Variants in KCNMB4 observed in about 807,000 individuals in gnomAD.
The protein encoded by KCNMB4 is calcium-activated potassium channel subunit beta-4.
In KCNMB4, 3 loss-of-function variants were observed where a neutral mutation model predicts 20.7. That is an observed-to-expected ratio of 0.14 (90% CI 0.07 to 0.37). KCNMB4 has a LOEUF of 0.37. Among genes scored for constraint, KCNMB4 ranks in the 10% least tolerant of loss-of-function variants. The pLI is 1.00. For synonymous variants in KCNMB4, 110 were observed against 113.4 expected (o/e 0.97, Z 0.19); for missense variants, 168 against 265.9 (o/e 0.63, Z 2.56).
intron 1 of KCNMB4, among the ~76,000 whole-genome samples, chr12:70,374,135 AG>A (rs1192146220): frequency 6.6e-6 from 1 of 152,248 alleles, no homozygotes; most frequent in East Asian, 1.9e-4. Flanking sequence ...TGCATAAAAA[AG>A]AATCAGAAAC....
intron 1 of KCNMB4, among the ~76,000 whole-genome samples, chr12:70,371,584 A>G (rs1408029267): frequency 1.3e-5 from 2 of 152,250 alleles, no homozygotes; most frequent in South Asian, 4.1e-4. Context: ...ATTTATCTTG[A>G]AAAAGTGGCA....
chr12:70,371,076 C>G lies in KCNMB4; in HGVS notation c.336+4006C>G, dbSNP rs1336022362. Among the ~76,000 whole-genome samples, 3 of 152,082 alleles carry G rather than the reference C, an allele frequency of 2.0e-5. No individual in the cohort carries two copies. In the East Asian group the frequency reaches 5.8e-4, roughly 29 times the overall value. On this transcript the variant is annotated intron_variant, in intron 1 of 2. Coordinates refer to ENST00000258111, the MANE Select transcript of KCNMB4 (RefSeq NM_014505.6). ...TTCACTATGTTGGCCAGGCGGGTCT[C>G]CAACTCCTGGCCTCAAGTGATCCCC...
intron 1 of KCNMB4, among the ~76,000 whole-genome samples, chr12:70,382,715 CAT>C: frequency 6.6e-6 from 1 of 152,154 alleles, no homozygotes; most frequent in South Asian, 2.1e-4. Flanking sequence ...AAAAAGTCAA[CAT>C]ATGAAGTACT....
At chr12:70,373,045 A>C (rs1312939214) in intron 1 of KCNMB4, among the ~76,000 whole-genome samples, 2 of 152,156 alleles carry the variant, frequency 1.3e-5, no homozygotes, top group African/African-American at 4.8e-5. Flanking sequence ...TGTGGAACAC[A>C]GGGCACATAG....
chr12:70,415,921 G>A (rs762634984), intron 2 of KCNMB4, among the ~76,000 whole-genome samples: 2 of 152,162 alleles, frequency 1.3e-5, no homozygotes, highest in Non-Finnish European at 2.9e-5. Context: ...ACACAAATAT[G>A]GCCCTGGTCC....
intron 2 of KCNMB4, among the ~76,000 whole-genome samples, chr12:70,426,167 G>A (rs139649036): frequency 1.1e-3 from 166 of 152,010 alleles, no homozygotes; most frequent in African/African-American, 3.9e-3. Context: ...GGTGGCAGGC[G>A]CCTGTAGTCC....
chr12:70,432,990 C>T lies in KCNMB4; in HGVS notation c.*2337C>T, dbSNP rs551137274. The T allele has an allele frequency of 1.6e-4, 24 of 152,050 alleles. No homozygotes were observed. Among genetic ancestry groups the T allele is most frequent in the South Asian group, 2.1e-4 (1 of 4,812 alleles). The allele number at this position is 152,050 out of a possible 1,614,324, so 9.4% of individuals were successfully genotyped here. ...TTACACTAAACGCTTCCATTTATCC[C>T]GAAAAAGTATATGCAACTGTATTCT... On this transcript the variant is annotated 3_prime_UTR_variant, in exon 3 of 3. Transcript: ENST00000258111.
chr12:70,408,374 CTTTATA>C (rs999240319), intron 2 of KCNMB4, among the ~76,000 whole-genome samples: 2 of 152,156 alleles, frequency 1.3e-5, no homozygotes, highest in African/African-American at 4.8e-5. Flanking sequence ...AAAAGATGAA[CTTTATA>C]TTTAAAGAAA....
chr12:70,390,501 T>C (rs886590485), intron 1 of KCNMB4, among the ~76,000 whole-genome samples: 2 of 152,220 alleles, frequency 1.3e-5, no homozygotes, highest in African/African-American at 4.8e-5. Flanking sequence ...TGGGTTTGCT[T>C]TATACCATCA....
rs996158646 is a variant in KCNMB4 at position 70,428,445 on chromosome 12, G to C, written c.465-2040G>C. ...ATAGTCCTTCACAGAAAGAAGGAAA[G>C]AGCAACCTGAGAGACAGCTTTTACC... is the stretch of plus-strand genomic sequence containing the variant. On this transcript the variant is annotated intron_variant, in intron 2 of 2. Coordinates refer to ENST00000258111, the MANE Select transcript of KCNMB4 (RefSeq NM_014505.6). Among the ~76,000 whole-genome samples the C allele has an allele frequency of 7.8e-4, 119 of 152,340 alleles. 1 individual carries two copies. The highest frequency in any genetic ancestry group is 2.6e-3 in the African/African-American group (109 of 41,578).
intron 2 of KCNMB4, chr12:70,422,968 G>T (rs957563049): frequency 2.2e-6 from 1 of 446,702 alleles, no homozygotes; most frequent in African/African-American, 2.1e-5. Flanking sequence ...TGCATCTGAA[G>T]GGACGGTCAT....
chr12:70,375,886 G>A (rs183642050), intron 1 of KCNMB4, among the ~76,000 whole-genome samples: 9 of 152,132 alleles, frequency 5.9e-5, no homozygotes, highest in Admixed American at 5.9e-4. Flanking sequence ...CAGGATATAT[G>A]TCTGTCCTTT....
At chr12:70,390,646 C>T (rs1214478374) in intron 1 of KCNMB4, among the ~76,000 whole-genome samples, 3 of 152,314 alleles carry the variant, frequency 2.0e-5, no homozygotes, top group Admixed American at 6.5e-5. Flanking sequence ...GCTCTGATTG[C>T]TACTGAAAGC....
At chr12:70,404,245 G>A (rs1868534865) in intron 2 of KCNMB4, among the ~76,000 whole-genome samples, 1 of 146,706 alleles carries the variant, frequency 6.8e-6, no homozygotes, top group Non-Finnish European at 1.5e-5. Context: ...TTTGTCAAAA[G>A]TTTTTTTTTT....
chr12:70,401,769 G>C (rs564319051), intron 2 of KCNMB4, among the ~76,000 whole-genome samples: 18 of 152,118 alleles, frequency 1.2e-4, no homozygotes, highest in South Asian at 8.3e-4. Context: ...CTGTCAGCTG[G>C]GGCGCCTCAG....
chr12:70,401,581 C>T (rs1428727452), intron 2 of KCNMB4, among the ~76,000 whole-genome samples: 3 of 152,006 alleles, frequency 2.0e-5, no homozygotes, highest in African/African-American at 7.3e-5. Flanking sequence ...ATGTCAGATA[C>T]CTATTGCTGC....
At chr12:70,385,594 T>C (rs1194976575) in intron 1 of KCNMB4, among the ~76,000 whole-genome samples, 1 of 152,192 alleles carries the variant, frequency 6.6e-6, no homozygotes, top group African/African-American at 2.4e-5. Context: ...GAGTGCAGAA[T>C]TGTCTTTATT....
At chr12:70,428,373 A>G (rs1164405778) in intron 2 of KCNMB4, among the ~76,000 whole-genome samples, 2 of 152,244 alleles carry the variant, frequency 1.3e-5, no homozygotes, top group Non-Finnish European at 2.9e-5. Flanking sequence ...CATTTTGATG[A>G]AGAATTTAAG....
At chr12:70,379,829 A>T (rs747718607) in intron 1 of KCNMB4, among the ~76,000 whole-genome samples, 7 of 152,250 alleles carry the variant, frequency 4.6e-5, no homozygotes, top group Admixed American at 6.5e-5. Flanking sequence ...AAGAGGGTAG[A>T]GCATTGCTCT....
Sources: allele counts gnomAD v4.1 joint callset (sites outside exome capture counted in the v4.1 genomes callset), GRCh38; gene constraint gnomAD v4.1.1; transcripts MANE v1.5; gene names NCBI Gene and HGNC (gene_info 2026-07-23, HGNC 2026-07-21).